SCOC: variants seen among roughly 807,000 people sequenced by gnomAD.
The protein encoded by SCOC is short coiled coil protein.
In SCOC, 7 loss-of-function variants were observed where a neutral mutation model predicts 9.9. The observed-to-expected ratio is 0.71, with a 90% confidence interval of 0.40 to 1.33. SCOC has a LOEUF of 1.33. Ranked by LOEUF, SCOC falls within the 40% of genes most tolerant of loss-of-function variation. The pLI, the probability that SCOC is intolerant of heterozygous loss-of-function variation, is 0.01. For synonymous variants in SCOC, 19 were observed against 28.2 expected, an observed-to-expected ratio of 0.67 and a Z score of 1.03; for missense variants, 66 against 89.7, an observed-to-expected ratio of 0.74 and a Z score of 1.07.
chr4:140,378,410 A>G (rs1320373016), intron 1 of SCOC, among the ~76,000 whole-genome samples: 1 of 151,908 alleles, frequency 6.6e-6, no homozygotes, highest in Non-Finnish European at 1.5e-5. Flanking sequence ...TGAATATACA[A>G]TTTTATACAC....
intron 1 of SCOC, among the ~76,000 whole-genome samples, chr4:140,305,549 T>C (rs1248466388): frequency 1.3e-5 from 2 of 152,290 alleles, no homozygotes; most frequent in Admixed American, 1.3e-4. Context: ...AACAAAATAA[T>C]GCAGGAGGAT....
At chr4:140,369,813 T>A (rs1727965493), upstream of SCOC, among the ~76,000 whole-genome samples, 1 of 148,538 alleles carries the variant, frequency 6.7e-6, no homozygotes, top group Non-Finnish European at 1.5e-5. Context: ...GCAATCTCAG[T>A]GGTTTCTATT....
intron 1 of SCOC, among the ~76,000 whole-genome samples, chr4:140,278,581 A>C (rs989107502): frequency 6.6e-6 from 1 of 152,118 alleles, no homozygotes; most frequent in Non-Finnish European, 1.5e-5. Context: ...TTACAGGTGA[A>C]GCCTTTTTTA....
At chr4:140,357,483 C>T (rs959975943) in intron 2 of SCOC, among the ~76,000 whole-genome samples, 5 of 152,210 alleles carry the variant, frequency 3.3e-5, no homozygotes, top group African/African-American at 1.2e-4. Context: ...GCTGTCAGTT[C>T]CGTGTATCTG....
chr4:140,313,011 A>G (rs533351345), intron 1 of SCOC, among the ~76,000 whole-genome samples: 1 of 152,326 alleles, frequency 6.6e-6, no homozygotes, highest in African/African-American at 2.4e-5. Context: ...TTAACTGAGT[A>G]AAAGTGACAT....
At chr4:140,283,202 C>T (rs2126418697) in intron 1 of SCOC, among the ~76,000 whole-genome samples, 1 of 152,210 alleles carries the variant, frequency 6.6e-6, no homozygotes, top group South Asian at 2.1e-4. Context: ...TAAATGAGAC[C>T]TGCCCATTTT....
At chr4:140,357,573 C>T (rs1351346529) in intron 2 of SCOC, among the ~76,000 whole-genome samples, 3 of 152,176 alleles carry the variant, frequency 2.0e-5, no homozygotes, top group Non-Finnish European at 2.9e-5. Flanking sequence ...TTCCTATTGC[C>T]ATGTGGCTGG....
chr4:140,314,229 G>C (rs1405371777), intron 1 of SCOC: 1 of 208,490 alleles, frequency 4.8e-6, no homozygotes, highest in Non-Finnish European at 1.0e-5. Context: ...TTCTATCCCT[G>C]TCAGTTTTGA....
chr4:140,277,605 G>A (rs1478947103), intron 1 of SCOC, among the ~76,000 whole-genome samples: 1 of 152,148 alleles, frequency 6.6e-6, no homozygotes, highest in Non-Finnish European at 1.5e-5. Flanking sequence ...TAGCTTATAA[G>A]CTTTTGAAGA....
rs1293660120 is a variant in SCOC at position 140,384,682 on chromosome 4, A to C, written c.*3578A>C. ...TACAGTCCTGAGTAAAGTCTTCTTT[A>C]CTGCTTTAACAAGTGTCAGAATGGT... On this transcript the variant is annotated 3_prime_UTR_variant, in exon 4 of 4. Transcript: ENST00000608372. 6.6e-6 allele frequency: 1 copy of C among 152,170 alleles called. No homozygotes were observed. Among genetic ancestry groups the C allele is most frequent in the South Asian group, 2.1e-4 (1 of 4,830 alleles). The allele number at this position is 152,170 out of a possible 1,614,324, so 9.4% of individuals were successfully genotyped here. A position where few individuals can be genotyped will look rare whatever the true frequency, so the allele number is the denominator to read the frequency against.
At chr4:140,368,422 T>G (rs1188280049) in intron 2 of SCOC, among the ~76,000 whole-genome samples, 2 of 152,210 alleles carry the variant, frequency 1.3e-5, no homozygotes, top group Admixed American at 1.3e-4. Context: ...AAATTCATCT[T>G]GTACAACCAG....
chr4:140,264,468 ATCT>A (rs1427087524), intron 1 of SCOC, among the ~76,000 whole-genome samples: 1 of 152,196 alleles, frequency 6.6e-6, no homozygotes, highest in African/African-American at 2.4e-5. Flanking sequence ...ACGTATAAAG[ATCT>A]TAGTTCCTAG....
At chr4:140,365,756 CT>C (rs1347845312) in intron 2 of SCOC, among the ~76,000 whole-genome samples, 1 of 152,188 alleles carries the variant, frequency 6.6e-6, no homozygotes, top group Admixed American at 6.5e-5. Context: ...AATATATTTT[CT>C]CTTCCTTCTT....
intron 1 of SCOC, among the ~76,000 whole-genome samples, chr4:140,329,248 T>C (rs1337304784): frequency 6.6e-6 from 1 of 152,214 alleles, no homozygotes; most frequent in Non-Finnish European, 1.5e-5. Context: ...GCAGGCCACA[T>C]GTCGGAGAAT....
Position 140,300,749 on chromosome 4 carries a change from G to A in SCOC, c.-18-42872G>A, listed in dbSNP as rs115040072. On this transcript the variant is annotated intron_variant, in intron 1 of 4. Coordinates refer to the SCOC transcript ENST00000394205. ...ACAGAAAATGTCAACAGTGCTGGTGGGAATTCTGCATCTGCTCTTTAATGT... is the reference window on the plus strand; with the variant it reads ...ACAGAAAATGTCAACAGTGCTGGTGAGAATTCTGCATCTGCTCTTTAATGT... 5.1e-3 allele frequency among the ~76,000 whole-genome samples: 784 copies of A among 152,322 alleles called. 5 individuals carry two copies. The highest frequency in any genetic ancestry group is 0.018 in the African/African-American group (747 of 41,564).
At chr4:140,276,134 C>T (rs1194318449) in intron 1 of SCOC, among the ~76,000 whole-genome samples, 1 of 152,076 alleles carries the variant, frequency 6.6e-6, no homozygotes, top group Non-Finnish European at 1.5e-5. Flanking sequence ...TCCTGAGTAG[C>T]TGGGACTACA....
intron 1 of SCOC, among the ~76,000 whole-genome samples, chr4:140,335,866 A>G (rs1732942731): frequency 6.6e-6 from 1 of 152,188 alleles, no homozygotes; most frequent in African/African-American, 2.4e-5. Flanking sequence ...ACCGATTAGC[A>G]TGCACACACA....
intron 1 of SCOC, among the ~76,000 whole-genome samples, chr4:140,307,662 T>C (rs1732031109): frequency 6.6e-6 from 1 of 152,238 alleles, no homozygotes; most frequent in Admixed American, 6.5e-5. Context: ...TCTGAGTTTC[T>C]TAGGTTTGAT....
intron 1 of SCOC, among the ~76,000 whole-genome samples, chr4:140,305,529 C>G (rs1731952819): frequency 6.6e-6 from 1 of 152,168 alleles, no homozygotes; most frequent in Non-Finnish European, 1.5e-5. Context: ...AACAAACCAA[C>G]AAACAAATGA....
Sources: allele counts gnomAD v4.1 joint callset (sites outside exome capture counted in the v4.1 genomes callset), GRCh38; gene constraint gnomAD v4.1.1; transcripts MANE v1.5; gene names NCBI Gene and HGNC (gene_info 2026-07-23, HGNC 2026-07-21).